KCTD16: variants seen among roughly 807,000 people sequenced by gnomAD.
KCTD16 encodes the protein potassium channel tetramerization domain containing 16.
In KCTD16, 13 loss-of-function variants were observed where a neutral mutation model predicts 33.2. The observed-to-expected ratio is 0.39, with a 90% confidence interval of 0.25 to 0.62. The LOEUF (loss-of-function observed/expected upper bound fraction) is 0.62. Ranked by LOEUF, KCTD16 falls within the 20% of genes least tolerant of loss-of-function variation. The pLI is 0.50. For synonymous variants in KCTD16, 197 were observed against 195.3 expected (o/e 1.01, Z -0.07); for missense variants, 441 against 525.1 (o/e 0.84, Z 1.57).
At position 144,224,216 on chromosome 5, in the gene KCTD16, T is replaced by C. The variant is rs549271108; in HGVS notation, c.832+16670T>C. 2.0e-5 allele frequency among the ~76,000 whole-genome samples: 3 copies of C among 152,258 alleles called. No homozygotes were observed. In the South Asian group the frequency reaches 6.2e-4, roughly 32 times the overall value. On this transcript the variant is annotated intron_variant, in intron 3 of 3. Coordinates refer to ENST00000512467, the MANE Select transcript of KCTD16 (RefSeq NM_020768.4). ...CTTAATTATCCACTTTACATTTTTT[T>C]TTATAACAACAAAAACAATTGGAGT...
At chr5:144,444,210 C>T (rs373727368) in intron 3 of KCTD16, among the ~76,000 whole-genome samples, 46 of 150,656 alleles carry the variant, frequency 3.1e-4, no homozygotes, top group Non-Finnish European at 6.0e-4. Context: ...CCCCTCCCCC[C>T]TCCACACACA....
chr5:144,249,508 A>G, intron 3 of KCTD16, among the ~76,000 whole-genome samples: 1 of 152,262 alleles, frequency 6.6e-6, no homozygotes, highest in South Asian at 2.1e-4. Flanking sequence ...AGCATTCAGT[A>G]ACTATTTATT....
chr5:144,307,771 A>G (rs953634387), intron 3 of KCTD16, among the ~76,000 whole-genome samples: 2 of 152,188 alleles, frequency 1.3e-5, no homozygotes, highest in Non-Finnish European at 2.9e-5. Flanking sequence ...GAGCTCATGG[A>G]CTGTTGTTGC....
At chr5:144,247,193 G>A (rs560159433) in intron 3 of KCTD16, among the ~76,000 whole-genome samples, 2 of 152,310 alleles carry the variant, frequency 1.3e-5, no homozygotes, top group Admixed American at 1.3e-4. Flanking sequence ...TCTGTGACTT[G>A]TGACTGCTTT....
chr5:144,444,309 T>C (rs969395351), intron 3 of KCTD16, among the ~76,000 whole-genome samples: 1 of 151,776 alleles, frequency 6.6e-6, no homozygotes, highest in African/African-American at 2.4e-5. Flanking sequence ...TATATTACAG[T>C]TGGGTTCCTT....
At chr5:144,190,216 C>T (rs1336446417) in intron 2 of KCTD16, among the ~76,000 whole-genome samples, 1 of 152,188 alleles carries the variant, frequency 6.6e-6, no homozygotes. Flanking sequence ...AGACTATGAG[C>T]AATTCCAAGG....
At chr5:144,405,817 C>T (rs568912032) in intron 3 of KCTD16, among the ~76,000 whole-genome samples, 2 of 152,090 alleles carry the variant, frequency 1.3e-5, no homozygotes, top group East Asian at 3.9e-4. Context: ...GTAGAATGAC[C>T]AGAAAGACCC....
rs530403069 is a variant in KCTD16 at position 144,422,916 on chromosome 5, C to T, written c.833-50744C>T. 2.0e-5 allele frequency among the ~76,000 whole-genome samples: 3 copies of T among 152,220 alleles called. No homozygotes were observed. The South Asian group carries it at 6.2e-4, about 32-fold the overall frequency. ...GTTTATGCAAGTGTTTAGTGAGCAT[C>T]TACAGGGGGAGGACCAACAAGGACC... On this transcript the variant is annotated intron_variant, in intron 3 of 3. Transcript: ENST00000512467.
chr5:144,219,778 C>T (rs910905637), intron 3 of KCTD16, among the ~76,000 whole-genome samples: 1 of 152,160 alleles, frequency 6.6e-6, no homozygotes, highest in Non-Finnish European at 1.5e-5. Context: ...CCCGCCTCGG[C>T]CTCCCAAAGT....
intron 3 of KCTD16, among the ~76,000 whole-genome samples, chr5:144,247,160 T>G (rs1055825400): frequency 6.6e-6 from 1 of 152,220 alleles, no homozygotes; most frequent in Non-Finnish European, 1.5e-5. Flanking sequence ...ACCCTAATAT[T>G]CAAAGATAGG....
At chr5:144,411,548 G>T (rs1422874096) in intron 3 of KCTD16, among the ~76,000 whole-genome samples, 1 of 152,092 alleles carries the variant, frequency 6.6e-6, no homozygotes, top group Non-Finnish European at 1.5e-5. Flanking sequence ...ATGAATTAAA[G>T]ACTTAAATTC....
At position 144,476,663 on chromosome 5, in the gene KCTD16, A is replaced by G. The variant is rs1285266982; in HGVS notation, c.*2549A>G. The G allele has an allele frequency of 6.6e-6, 1 of 152,146 alleles. No individual in the cohort carries two copies. The highest frequency in any genetic ancestry group is 2.4e-5 in the African/African-American group (1 of 41,424). The allele number at this position is 152,146 out of a possible 1,614,324, so 9.4% of individuals were successfully genotyped here. A position where few individuals can be genotyped will look rare whatever the true frequency, so the allele number is the denominator to read the frequency against. ...TATTTGTGTGAGTGTTTATATAGAA[A>G]TGAACATAGACCTGGCCAGTAAAAG... On this transcript the variant is annotated 3_prime_UTR_variant, in exon 4 of 4. Coordinates refer to ENST00000512467, the MANE Select transcript of KCTD16 (RefSeq NM_020768.4).
intron 3 of KCTD16, among the ~76,000 whole-genome samples, chr5:144,271,349 C>T (rs1487882114): frequency 6.6e-6 from 1 of 151,870 alleles, no homozygotes; most frequent in Non-Finnish European, 1.5e-5. Context: ...GATGATTCAA[C>T]ATATGAAAAT....
At chr5:144,284,804 G>T (rs1409115633) in intron 3 of KCTD16, among the ~76,000 whole-genome samples, 2 of 152,096 alleles carry the variant, frequency 1.3e-5, no homozygotes, top group Non-Finnish European at 2.9e-5. Flanking sequence ...TTAAAGACAA[G>T]AATTTGGAAG....
rs2127009677 is a variant in KCTD16 at position 144,484,515 on chromosome 5, T to C, written c.*10401T>C. Reference sequence around the variant, plus strand: ...TCCAAATTAAATTGACTTTTTTACATAACATCAGCACCACCCCTTACACTT... The same window carrying C: ...TCCAAATTAAATTGACTTTTTTACACAACATCAGCACCACCCCTTACACTT... On this transcript the variant is annotated 3_prime_UTR_variant, in exon 4 of 4. Coordinates refer to ENST00000512467, the MANE Select transcript of KCTD16 (RefSeq NM_020768.4). 6.6e-6 allele frequency: 1 copy of C among 152,060 alleles called. No individual in the cohort carries two copies. The highest frequency in any genetic ancestry group is 2.1e-4 in the South Asian group (1 of 4,828). 9.4% of individuals were successfully genotyped at this position (152,060 alleles called of 1,614,324 possible). A position where few individuals can be genotyped will look rare whatever the true frequency, so the allele number is the denominator to read the frequency against.
chr5:144,228,887 T>C (rs2126810742), intron 3 of KCTD16, among the ~76,000 whole-genome samples: 1 of 152,206 alleles, frequency 6.6e-6, no homozygotes, highest in East Asian at 1.9e-4. Flanking sequence ...ATATAGTACA[T>C]GTAGTAATAT....
rs763548397 is a variant in KCTD16 at position 144,207,313 on chromosome 5, T to G, written c.599T>G (p.Leu200Trp). ...PRILVCGRIS[L>W]AKEVFGETLN... ...ATTTTGGTTTGTGGAAGGATTTCCTTGGCAAAAGAAGTCTTTGGAGAAACT... is the reference window on the plus strand; with the variant it reads ...ATTTTGGTTTGTGGAAGGATTTCCTGGGCAAAAGAAGTCTTTGGAGAAACT... The change falls in exon 3 of 4, where the codon TTG becomes TGG. Residue 200 changes from leucine (L) to tryptophan (W), a missense_variant. By Grantham distance (61) the Leu-to-Trp change is moderately conservative. Coordinates refer to ENST00000512467, the MANE Select transcript of KCTD16 (RefSeq NM_020768.4). 6.2e-7 allele frequency: 1 copy of G among 1,614,214 alleles called. No homozygotes were observed. The highest frequency in any genetic ancestry group is 8.5e-7 in the Non-Finnish European group (1 of 1,180,038).
intron 3 of KCTD16, among the ~76,000 whole-genome samples, chr5:144,269,859 T>A (rs2126845948): frequency 6.6e-6 from 1 of 152,006 alleles, no homozygotes; most frequent in East Asian, 1.9e-4. Context: ...GGAAACAGAG[T>A]TGTAAAAGAG....
chr5:144,451,016 T>C (rs1055372468), intron 3 of KCTD16, among the ~76,000 whole-genome samples: 3 of 152,062 alleles, frequency 2.0e-5, no homozygotes, highest in African/African-American at 7.2e-5. Context: ...ATTTTGGAGG[T>C]GATGAATATG....
Sources: allele counts gnomAD v4.1 joint callset (sites outside exome capture counted in the v4.1 genomes callset), GRCh38; gene constraint gnomAD v4.1.1; transcripts MANE v1.5; gene names NCBI Gene and HGNC (gene_info 2026-07-23, HGNC 2026-07-21).